Variants in GALK2 observed in about 807,000 individuals in gnomAD.
GALK2 encodes N-acetylgalactosamine kinase.
Under a neutral mutation model 52.4 loss-of-function variants are expected in GALK2, and 36 were observed. The ratio of observed to expected loss-of-function variants is 0.69; its 90% CI spans 0.53 to 0.91. The LOEUF (loss-of-function observed/expected upper bound fraction) is 0.91. GALK2 is among the 40% of genes least tolerant of loss of function. The pLI is 0.00. For synonymous variants in GALK2, 176 were observed against 199.1 expected (o/e 0.88, Z 0.98); for missense variants, 579 against 559.1 (o/e 1.04, Z -0.36).
chr15:49,211,774 C>T (rs1261015486), intron 2 of GALK2, among the ~76,000 whole-genome samples: 1 of 152,102 alleles, frequency 6.6e-6, no homozygotes. Context: ...GATCAGATCT[C>T]ATGAGAACTC....
At chr15:49,262,517 C>G (rs1422447963) in intron 5 of GALK2, among the ~76,000 whole-genome samples, 2 of 152,080 alleles carry the variant, frequency 1.3e-5, no homozygotes, top group Non-Finnish European at 2.9e-5. Context: ...TCAAAAAAAC[C>G]AGCTCCTGGA....
At chr15:49,255,805 T>A (rs1246099023) in intron 5 of GALK2, among the ~76,000 whole-genome samples, 1 of 152,128 alleles carries the variant, frequency 6.6e-6, no homozygotes, top group Non-Finnish European at 1.5e-5. Flanking sequence ...TATTACATGT[T>A]TTAATTAATA....
At chr15:49,196,387 T>C (rs1015297131) in intron 1 of GALK2, among the ~76,000 whole-genome samples, 3 of 152,202 alleles carry the variant, frequency 2.0e-5, no homozygotes, top group African/African-American at 7.2e-5. Context: ...CCAAGAGTTG[T>C]TTAAAAGACA....
At chr15:49,197,728 C>G (rs927046494) in intron 1 of GALK2, among the ~76,000 whole-genome samples, 1 of 152,102 alleles carries the variant, frequency 6.6e-6, no homozygotes. Flanking sequence ...AATGCTCAAC[C>G]TGTAATTATA....
chr15:49,244,103 AATT>A (rs944692398), intron 5 of GALK2, among the ~76,000 whole-genome samples: 1 of 151,890 alleles, frequency 6.6e-6, no homozygotes, highest in Non-Finnish European at 1.5e-5. Context: ...AGTTATTAGA[AATT>A]ATTATTATTA....
chr15:49,250,204 T>C (rs1440266020), intron 5 of GALK2, among the ~76,000 whole-genome samples: 2 of 152,178 alleles, frequency 1.3e-5, no homozygotes, highest in Non-Finnish European at 2.9e-5. Context: ...CAAGCATTTC[T>C]AACAGTGGTC....
At chr15:49,301,696 T>TG (rs2035129975) in intron 8 of GALK2, among the ~76,000 whole-genome samples, 2 of 152,098 alleles carry the variant, frequency 1.3e-5, no homozygotes, top group South Asian at 4.2e-4. Flanking sequence ...TGCTCTGGGT[T>TG]GGGGTGGCCC....
chr15:49,345,903 T>C lies in GALK2; in HGVS notation c.427-21588T>C, dbSNP rs187423101. 1.1e-4 allele frequency among the ~76,000 whole-genome samples: 17 copies of C among 152,294 alleles called. No individual in the cohort carries two copies. In the East Asian group the frequency reaches 2.5e-3, roughly 22 times the overall value. The stretch of plus-strand genomic sequence containing the variant: ...AGTGAAGTACCTTGCCTTTGAGAGA[T>C]TGAGTGTGTGTGAGAGACTCAGGAA... On this transcript the variant is annotated intron_variant, in intron 3 of 3. Transcript: ENST00000558399.
At chr15:49,231,092 G>T (rs1471176402) in intron 3 of GALK2, among the ~76,000 whole-genome samples, 1 of 152,070 alleles carries the variant, frequency 6.6e-6, no homozygotes, top group African/African-American at 2.4e-5. Flanking sequence ...TTCTTACACT[G>T]CTATAAAGAA....
intron 3 of GALK2, among the ~76,000 whole-genome samples, chr15:49,221,324 C>A (rs1354976618): frequency 6.6e-6 from 1 of 152,042 alleles, no homozygotes; most frequent in Non-Finnish European, 1.5e-5. Flanking sequence ...ACCATTTATT[C>A]AAGAGGGTGT....
intron 1 of GALK2, among the ~76,000 whole-genome samples, chr15:49,164,675 G>A (rs1458698553): frequency 2.7e-5 from 4 of 150,664 alleles, no homozygotes; most frequent in African/African-American, 9.8e-5. Context: ...CAGATGCTCC[G>A]GAGGCTGAGG....
At chr15:49,251,787 T>A (rs1183018470) in intron 5 of GALK2, among the ~76,000 whole-genome samples, 1 of 152,148 alleles carries the variant, frequency 6.6e-6, no homozygotes, top group Non-Finnish European at 1.5e-5. Context: ...TTTTTATGCT[T>A]TATATACTTT....
At chr15:49,337,479 T>C (rs1184757492) in intron 3 of GALK2, among the ~76,000 whole-genome samples, 1 of 63,848 alleles carries the variant, frequency 1.6e-5, no homozygotes. Flanking sequence ...TGTTGGACAC[T>C]TGCAATGTCT....
chr15:49,285,179 G>A (rs1244452136), intron 7 of GALK2, among the ~76,000 whole-genome samples: 1 of 152,166 alleles, frequency 6.6e-6, no homozygotes, highest in Non-Finnish European at 1.5e-5. Context: ...GGTAAATCCA[G>A]TGGATGCTTT....
chr15:49,357,518 C>T (rs982583216), intron 3 of GALK2, among the ~76,000 whole-genome samples: 3 of 152,092 alleles, frequency 2.0e-5, no homozygotes, highest in African/African-American at 7.2e-5. Flanking sequence ...GACACATACA[C>T]TCTCCCAAGA....
chr15:49,240,052 C>T (rs1227134079), intron 5 of GALK2, among the ~76,000 whole-genome samples: 1 of 152,166 alleles, frequency 6.6e-6, no homozygotes, highest in Non-Finnish European at 1.5e-5. Flanking sequence ...AGAAAGGCAG[C>T]CACATGCTTA....
In GALK2 at chr15:49,329,520, C is replaced by T. The variant is rs957637597; in HGVS notation, c.*1361C>T. The T allele has an allele frequency of 9.1e-6, 9 of 985,152 alleles. No homozygotes were observed. The South Asian group carries it at 4.2e-4, about 46-fold the overall frequency. 61.0% of individuals were successfully genotyped at this position (985,152 alleles called of 1,614,324 possible). ...AATTTCAGTTTAAGGGAGGCCTGCG[C>T]AAAGCTAGTTTTATTTCTTAAAGGA... On this transcript the variant is annotated 3_prime_UTR_variant, in exon 10 of 10. Coordinates refer to ENST00000560031, the MANE Select transcript of GALK2 (RefSeq NM_002044.4).
At chr15:49,260,626 C>T (rs1295707691) in intron 5 of GALK2, among the ~76,000 whole-genome samples, 2 of 147,618 alleles carry the variant, frequency 1.4e-5, no homozygotes, top group African/African-American at 5.0e-5. Context: ...GTGTTTTAGA[C>T]ATGAAGTCCT....
chr15:49,313,408 A>G (rs1206369123), intron 8 of GALK2, among the ~76,000 whole-genome samples: 2 of 152,194 alleles, frequency 1.3e-5, no homozygotes, highest in Admixed American at 1.3e-4. Context: ...CTTCAGGCCC[A>G]TGAACACACT....
Sources: gnomAD v4.1 joint callset for allele counts (sites outside exome capture counted in the v4.1 genomes callset) on GRCh38, gnomAD v4.1.1 for gene constraint, MANE v1.5 for transcripts, NCBI Gene and HGNC (gene_info 2026-07-23, HGNC 2026-07-21) for gene names.